The following CLASP1 variants were observed in gnomAD, a reference collection of about 807,000 sequenced individuals.
CLASP1 encodes the protein cytoplasmic linker associated protein 1.
In CLASP1, 38 loss-of-function variants were observed where a neutral mutation model predicts 192.3. That is an observed-to-expected ratio of 0.20 (90% CI 0.15 to 0.26). The LOEUF (loss-of-function observed/expected upper bound fraction) is 0.26. Among genes scored for constraint, CLASP1 ranks in the 10% least tolerant of loss-of-function variants. The pLI is 1.00. For synonymous variants in CLASP1, 691 were observed against 712.8 expected, an observed-to-expected ratio of 0.97 and a Z score of 0.49; for missense variants, 1,433 against 1,932.5, an observed-to-expected ratio of 0.74 and a Z score of 4.85.
chr2:121,493,158 G>A (rs541575928), intron 8 of CLASP1, among the ~76,000 whole-genome samples: 25 of 152,084 alleles, frequency 1.6e-4, no homozygotes, highest in Non-Finnish European at 2.9e-4. Flanking sequence ...AAATTTATAC[G>A]GAACCACAAA....
intron 1 of CLASP1, among the ~76,000 whole-genome samples, chr2:121,639,813 A>G (rs1026944476): frequency 6.6e-6 from 1 of 151,070 alleles, no homozygotes; most frequent in Non-Finnish European, 1.5e-5. Context: ...CAGTAAGCCA[A>G]GATTGCACCA....
intron 2 of CLASP1, among the ~76,000 whole-genome samples, chr2:121,549,818 A>C (rs2057847983): frequency 6.6e-6 from 1 of 151,776 alleles, no homozygotes; most frequent in Non-Finnish European, 1.5e-5. Flanking sequence ...ATCCTGGCTA[A>C]CATGGTGAAA....
At chr2:121,348,474 A>C (rs1573569694) in intron 38 of CLASP1, 38 bp downstream of exon 39, 1 of 1,558,100 alleles carries the variant, frequency 6.4e-7, no homozygotes, top group Non-Finnish European at 8.7e-7. Flanking sequence ...GCAACCCCAC[A>C]CAGGCCGGGG....
intron 1 of CLASP1, among the ~76,000 whole-genome samples, chr2:121,614,604 T>A (rs891994431): frequency 3.3e-5 from 5 of 152,226 alleles, no homozygotes; most frequent in Non-Finnish European, 5.9e-5. Flanking sequence ...ATCTAACACG[T>A]ATGTACTCAA....
chr2:121,444,787 T>C (rs1385813214), intron 19 of CLASP1, among the ~76,000 whole-genome samples: 1 of 152,038 alleles, frequency 6.6e-6, no homozygotes, highest in Non-Finnish European at 1.5e-5. Context: ...AAAAACCCAA[T>C]GGCGACAGAA....
intron 30 of CLASP1, among the ~76,000 whole-genome samples, chr2:121,396,602 C>T (rs953507945): frequency 6.6e-6 from 1 of 152,142 alleles, no homozygotes; most frequent in Non-Finnish European, 1.5e-5. Flanking sequence ...AGGTCCTAAT[C>T]GAGGTAATAT....
At chr2:121,462,269 C>A (rs1287898342) in intron 10 of CLASP1, among the ~76,000 whole-genome samples, 2 of 151,176 alleles carry the variant, frequency 1.3e-5, no homozygotes, top group Non-Finnish European at 2.9e-5. Context: ...AATTTAGCGT[C>A]ATCTATTTCT....
chr2:121,420,518 C>CT (rs2079302446), intron 22 of CLASP1, among the ~76,000 whole-genome samples: 2 of 152,188 alleles, frequency 1.3e-5, no homozygotes, highest in Admixed American at 1.3e-4. Flanking sequence ...CACTTGGCCT[C>CT]TTTGGGTCTC....
chr2:121,517,307 T>C (rs1404647303), intron 6 of CLASP1, among the ~76,000 whole-genome samples: 1 of 152,086 alleles, frequency 6.6e-6, no homozygotes, highest in Non-Finnish European at 1.5e-5. Flanking sequence ...ATCAAGGTAG[T>C]GGAGAATGAA....
chr2:121,540,078 A>C (rs1304861252), intron 2 of CLASP1, among the ~76,000 whole-genome samples: 2 of 152,256 alleles, frequency 1.3e-5, no homozygotes, highest in African/African-American at 4.8e-5. Context: ...GATATGCAGC[A>C]ATACTGCTGC....
intron 8 of CLASP1, among the ~76,000 whole-genome samples, chr2:121,499,031 C>G (rs1032769454): frequency 2.0e-5 from 3 of 152,192 alleles, no homozygotes; most frequent in African/African-American, 7.2e-5. Flanking sequence ...TGAGCAGTTA[C>G]TCAGAAAGTT....
At chr2:121,577,404 G>A (rs1016718067) in intron 2 of CLASP1, among the ~76,000 whole-genome samples, 5 of 152,102 alleles carry the variant, frequency 3.3e-5, no homozygotes, top group Admixed American at 3.3e-4. Context: ...CCATAAAAAT[G>A]ACCATATTTC....
At position 121,500,248 on chromosome 2, in the gene CLASP1, GTGTT is replaced by G. The variant is rs539082106; in HGVS notation, c.712+2915_712+2918del. Among the ~76,000 whole-genome samples the G allele has an allele frequency of 2.0e-3, 308 of 151,504 alleles. 1 individual carries two copies. The highest frequency in any genetic ancestry group is 6.0e-3 in the African/African-American group (246 of 41,258). ...AGATCAAAGAATTACACTGGGAGTTGTGTTTTAAAAAAACACGAAGGAGGAGGAG... is the reference window on the plus strand; with the variant it reads ...AGATCAAAGAATTACACTGGGAGTTGTTAAAAAAACACGAAGGAGGAGGAG... On this transcript the variant is annotated intron_variant, in intron 8 of 39. Coordinates refer to ENST00000263710, the Ensembl canonical transcript of CLASP1.
intron 10 of CLASP1, 42 bp from the exon 11 acceptor site, chr2:121,461,235 G>A: frequency 9.5e-7 from 1 of 1,049,842 alleles, no homozygotes; most frequent in South Asian, 1.5e-5. Context: ...AAAACATGCA[G>A]AATAAACAGA....
intron 2 of CLASP1, 69 bp from the exon 3 acceptor site, chr2:121,530,394 C>T (rs1048973250): frequency 1.1e-5 from 14 of 1,287,344 alleles, no homozygotes; most frequent in Non-Finnish European, 1.4e-5. Context: ...CCACCCGCTC[C>T]GGGGAGGCCT....
chr2:121,523,731 C>CT (rs1343788138), intron 6 of CLASP1, among the ~76,000 whole-genome samples: 1 of 152,198 alleles, frequency 6.6e-6, no homozygotes, highest in Non-Finnish European at 1.5e-5. Flanking sequence ...ATTTCCTTCA[C>CT]TTTCCTCTGG....
intron 9 of CLASP1, among the ~76,000 whole-genome samples, chr2:121,467,766 G>A (rs535355155): frequency 3.9e-5 from 6 of 152,126 alleles, no homozygotes; most frequent in Non-Finnish European, 8.8e-5. Context: ...TCTGATGACA[G>A]TTTATTTTGC....
chr2:121,384,007 TACACACACACAC>T (rs771174974), intron 32 of CLASP1, among the ~76,000 whole-genome samples: 1 of 139,694 alleles, frequency 7.2e-6, no homozygotes. Flanking sequence ...TATATATATA[TACACACACACAC>T]ACACACACAC....
At chr2:121,404,249 G>T in intron 26 of CLASP1, 122 bp downstream of exon 27, 4 of 1,465,026 alleles carry the variant, frequency 2.7e-6, no homozygotes, top group Non-Finnish European at 3.6e-6. Flanking sequence ...GCTGAAACCG[G>T]TGTGACTCTG....
Sources: gnomAD v4.1 joint callset for allele counts (sites outside exome capture counted in the v4.1 genomes callset) on GRCh38, gnomAD v4.1.1 for gene constraint, MANE v1.5 for transcripts, NCBI Gene and HGNC (gene_info 2026-07-23, HGNC 2026-07-21) for gene names.